Variants in ANKS1A observed in about 807,000 individuals in gnomAD.
ANKS1A encodes ankyrin repeat and sterile alpha motif domain containing 1A.
Under a neutral mutation model 120.3 loss-of-function variants are expected in ANKS1A, and 55 were observed. That is an observed-to-expected ratio of 0.46 (90% confidence interval 0.37 to 0.57). The LOEUF (loss-of-function observed/expected upper bound fraction) is 0.57, where lower values mean the gene tolerates loss of function less well. Among genes scored for constraint, ANKS1A ranks in the 20% least tolerant of loss-of-function variants. The pLI, the probability that ANKS1A is intolerant of heterozygous loss-of-function variation, is 0.00. For missense variants in ANKS1A, 1,123 were observed against 1,480.3 expected, an observed-to-expected ratio of 0.76 and a Z score of 3.96; for synonymous variants, 590 against 604.7, an observed-to-expected ratio of 0.98 and a Z score of 0.36.
intron 1 of ANKS1A, among the ~76,000 whole-genome samples, chr6:34,958,206 C>T (rs1161930469): frequency 1.3e-5 from 2 of 152,184 alleles, no homozygotes; most frequent in African/African-American, 4.8e-5. Context: ...CCCTACCTCA[C>T]GTCACCACAG....
intron 1 of ANKS1A, among the ~76,000 whole-genome samples, chr6:34,905,923 G>A (rs535297846): frequency 9.9e-5 from 15 of 152,262 alleles, no homozygotes; most frequent in African/African-American, 3.6e-4. Context: ...CTCTGTGCTT[G>A]AACTCTGAAG....
In ANKS1A at chr6:35,084,122, A is replaced by G; in HGVS notation, c.2996A>G (p.Asn999Ser). 6.2e-7 allele frequency: 1 copy of G among 1,614,092 alleles called. No individual in the cohort carries two copies. Among genetic ancestry groups the G allele is most frequent in the Non-Finnish European group, 8.5e-7 (1 of 1,179,970 alleles). ...GVKFIDASNK[N>S]VIAEHEIRNI... ...CCAGAACACGGCTTTCCCCAGCAGA[A>G]CGTCATTGCAGAGCACGAGATCCGG... is the stretch of plus-strand genomic sequence containing the variant. The change falls in exon 21 of 24, where the codon AAC (asparagine) becomes AGC (serine). Residue 999 changes from asparagine to serine, a missense_variant and splice_region_variant. Physicochemically the swap from Asn to Ser is conservative, Grantham distance 46. This residue lies in a region of ANKS1A where 904 missense variants were observed against 1,130.4 expected (regional missense o/e 0.80). Transcript: ENST00000360359. The surrounding 1 kb of genome is among the most constrained non-coding windows in gnomAD (Gnocchi z 4.8).
chr6:35,079,716 C>T lies in ANKS1A; in HGVS notation c.2436+48C>T, dbSNP rs574444663. ...GGCCTGGACTCTCCAGAAGTCTGAG[C>T]TTCCCTTAGGGGCAGCCTGGCCCAG... On this transcript the variant is annotated intron_variant, in intron 15 of 23. Coordinates refer to ENST00000360359, the MANE Select transcript of ANKS1A (RefSeq NM_015245.3). 2.5e-6 allele frequency: 4 copies of T among 1,613,444 alleles called. No individual in the cohort carries two copies. In the African/African-American group the frequency reaches 5.3e-5, roughly 22 times the overall value.
At chr6:34,925,921 C>T (rs1168743087) in intron 1 of ANKS1A, among the ~76,000 whole-genome samples, 1 of 152,064 alleles carries the variant, frequency 6.6e-6, no homozygotes, top group Admixed American at 6.6e-5. Context: ...CTCCCATGAC[C>T]AAGAATTATC....
Position 35,044,152 on chromosome 6 carries a change from T to C in ANKS1A, c.2011-9947T>C, listed in dbSNP as rs1048546345. On this transcript the variant is annotated intron_variant, in intron 11 of 23. Coordinates refer to ENST00000360359, the MANE Select transcript of ANKS1A (RefSeq NM_015245.3). This position sits in a 1 kb window ranked among gnomAD's most constrained non-coding sequence, Gnocchi z 4.4. ...CTTGGTAAGGGTAACACTGAGTGTG[T>C]GGAAGCAGAAGACCATGGGTGTGCG... 1.3e-5 allele frequency among the ~76,000 whole-genome samples: 2 copies of C among 152,220 alleles called. No homozygotes were observed. The highest frequency in any genetic ancestry group is 4.8e-5 in the African/African-American group (2 of 41,454).
chr6:34,983,324 A>G lies in ANKS1A; in HGVS notation c.911A>G (p.Asp304Gly), dbSNP rs769552537. Residue 304 changes from aspartate (D) to glycine (G), a missense_variant and splice_region_variant, in exon 7 of 24, where the codon GAT (aspartate) becomes GGT (glycine). Physicochemically the swap from Asp to Gly is moderately conservative, Grantham distance 94 (BLOSUM62 -1). Around this residue, in one of 3 missense-constraint regions of ANKS1A, gnomAD observed 904 missense variants for 1,130.4 expected, o/e 0.80. Coordinates refer to ENST00000360359, the MANE Select transcript of ANKS1A (RefSeq NM_015245.3). The part of the protein sequence containing the change: ...KSQQIAALIE[D>G]HMTGKRSTKE... Reference sequence around the variant, plus strand: ...TTTATTTTTTGATCTTTCCATGTAGATCACATGACTGGAAAAAGAAGTACA... The same window carrying G: ...TTTATTTTTTGATCTTTCCATGTAGGTCACATGACTGGAAAAAGAAGTACA... 6.2e-7 allele frequency: 1 copy of G among 1,613,870 alleles called. No individual in the cohort carries two copies. The highest frequency in any genetic ancestry group is 8.5e-7 in the Non-Finnish European group (1 of 1,179,876).
intron 8 of ANKS1A, 112 bp from the exon 9 acceptor site, chr6:34,989,112 G>A (rs999323285): frequency 1.9e-4 from 161 of 859,692 alleles, no homozygotes; most frequent in Admixed American, 7.9e-5. Context: ...AGTCTCTCAG[G>A]GGAGTTCCAT....
In ANKS1A at chr6:35,090,214, C is replaced by T; in HGVS notation, c.*1605C>T. ...GACACCTTGCAGTTTTACTTCATTTCCTGCCCCTTTCAGGGCCTGTGAGGA... is the reference window on the plus strand; with the variant it reads ...GACACCTTGCAGTTTTACTTCATTTTCTGCCCCTTTCAGGGCCTGTGAGGA... On this transcript the variant is annotated 3_prime_UTR_variant, in exon 24 of 24. Coordinates refer to ENST00000360359, the MANE Select transcript of ANKS1A (RefSeq NM_015245.3). 7.8e-7 allele frequency: 1 copy of T among 1,289,568 alleles called. No individual in the cohort carries two copies. The highest frequency in any genetic ancestry group is 1.0e-6 in the Non-Finnish European group (1 of 988,888). The allele number at this position is 1,289,568 out of a possible 1,614,324, so 79.9% of individuals were successfully genotyped here.
At chr6:35,076,328 C>T (rs1022540282) in intron 13 of ANKS1A, among the ~76,000 whole-genome samples, 4 of 152,116 alleles carry the variant, frequency 2.6e-5, no homozygotes, top group Admixed American at 6.5e-5. Context: ...AGGAGAATGG[C>T]GTCAACCCAG....
chr6:35,030,872 A>C (rs1396530015), intron 11 of ANKS1A, among the ~76,000 whole-genome samples: 2 of 152,154 alleles, frequency 1.3e-5, no homozygotes, highest in East Asian at 3.8e-4. Context: ...CTTATTTTCA[A>C]ACTGCTTTTG....
At chr6:34,972,182 G>A (rs1404322053) in intron 3 of ANKS1A, among the ~76,000 whole-genome samples, 1 of 152,128 alleles carries the variant, frequency 6.6e-6, no homozygotes, top group Non-Finnish European at 1.5e-5. Context: ...AGCTACTTGA[G>A]TGTGCTAGCT....
At position 35,054,171 on chromosome 6, in the gene ANKS1A, G is replaced by C. The variant is rs775468804; in HGVS notation, c.2077+6G>C. On this transcript the variant is annotated splice_donor_region_variant and intron_variant, in intron 12 of 23. Coordinates refer to ENST00000360359, the MANE Select transcript of ANKS1A (RefSeq NM_015245.3). ...GGAACGGCAGAAGATCTCAGGTACC[G>C]TACTAAGTGGCCATTTTCCCCACAG... 1 of 1,613,368 alleles carries C rather than the reference G, an allele frequency of 6.2e-7. No homozygotes were observed. Among genetic ancestry groups the C allele is most frequent in the Non-Finnish European group, 8.5e-7 (1 of 1,179,404 alleles).
rs368057717 is a variant in ANKS1A at position 34,900,116 on chromosome 6, G to C, written c.197+10517G>C. 2.6e-5 allele frequency among the ~76,000 whole-genome samples: 4 copies of C among 152,288 alleles called. 1 individual carries two copies. Among genetic ancestry groups the C allele is most frequent in the African/African-American group, 9.6e-5 (4 of 41,560 alleles). ...TTTACCTACACAACATGCCTGCAAG[G>C]TAATTATTGTTATTTCCATTTTACA... On this transcript the variant is annotated intron_variant, in intron 1 of 23. Coordinates refer to ENST00000360359, the MANE Select transcript of ANKS1A (RefSeq NM_015245.3).
intron 1 of ANKS1A, among the ~76,000 whole-genome samples, chr6:34,962,423 T>C (rs2127502201): frequency 6.6e-6 from 1 of 152,334 alleles, no homozygotes; most frequent in South Asian, 2.1e-4. Flanking sequence ...CTATACATTA[T>C]AGAGTGGCTA....
At chr6:35,061,373 G>A (rs1378312488) in intron 13 of ANKS1A, among the ~76,000 whole-genome samples, 1 of 152,212 alleles carries the variant, frequency 6.6e-6, no homozygotes, top group Non-Finnish European at 1.5e-5. Flanking sequence ...AGACCCACCC[G>A]CTCCGAGGGG....
In ANKS1A at chr6:34,894,453, A is replaced by T. The variant is rs954850461; in HGVS notation, c.197+4854A>T. On this transcript the variant is annotated intron_variant, in intron 1 of 23. Transcript: ENST00000360359. ...GATCACTTGAGCCCAGGAGTTTGAA[A>T]CCAGCCTGGGCAACATGCTGAAATC... Among the ~76,000 whole-genome samples, 3 of 152,324 alleles carry T rather than the reference A, an allele frequency of 2.0e-5. No homozygotes were observed. In the South Asian group the frequency reaches 6.2e-4, roughly 32 times the overall value.
chr6:34,889,929 G>C lies in ANKS1A; in HGVS notation c.197+330G>C, dbSNP rs1295765509. 6.9e-6 allele frequency among the ~76,000 whole-genome samples: 1 copy of C among 144,846 alleles called. No individual in the cohort carries two copies. Among genetic ancestry groups the C allele is most frequent in the South Asian group, 2.2e-4 (1 of 4,622 alleles). On this transcript the variant is annotated intron_variant, in intron 1 of 23. Transcript: ENST00000360359. This position sits in a 1 kb window ranked among gnomAD's most constrained non-coding sequence, Gnocchi z 5.5. ...ATCGTAGCTCACAAAAGCCAATTAA[G>C]AGCAAATATGTATATCTTATATATA... is the stretch of plus-strand genomic sequence containing the variant.
intron 18 of ANKS1A, 126 bp from the exon 19 acceptor site, chr6:35,083,029 G>A: frequency 2.3e-6 from 3 of 1,320,862 alleles, no homozygotes; most frequent in Admixed American, 4.1e-5. Flanking sequence ...TCCAGCTGGG[G>A]CAGGAGAGGG....
At chr6:35,092,341 A>G (rs1401428192), downstream of ANKS1A, among the ~76,000 whole-genome samples, 1 of 152,230 alleles carries the variant, frequency 6.6e-6, no homozygotes, top group African/African-American at 2.4e-5. Context: ...TTCAGTACCC[A>G]TATTGAACAT....
Sources: gnomAD v4.1 joint callset for allele counts (sites outside exome capture counted in the v4.1 genomes callset) on GRCh38, gnomAD v4.1.1 for gene constraint, gnomAD v4.1.1 regional missense constraint, Gnocchi (gnomAD v3.1) non-coding constraint, MANE v1.5 for transcripts, NCBI Gene and HGNC (gene_info 2026-07-23, HGNC 2026-07-21) for gene names.